LRRC8D: variants seen among roughly 807,000 people sequenced by gnomAD.
LRRC8D encodes leucine rich repeat containing 8 VRAC subunit D, also known as volume-regulated anion channel subunit LRRC8D.
LRRC8D carries 20 observed loss-of-function variants against 55.8 expected under a neutral mutation model. The observed-to-expected ratio is 0.36, with a 90% confidence interval of 0.25 to 0.52. The LOEUF (loss-of-function observed/expected upper bound fraction) is 0.52, where lower values mean the gene tolerates loss of function less well. LRRC8D is among the 20% of genes least tolerant of loss of function. The pLI, the probability that LRRC8D is intolerant of heterozygous loss-of-function variation, is 0.93. For synonymous variants in LRRC8D, 352 were observed against 377.0 expected (o/e 0.93, Z 0.77); for missense variants, 651 against 1,030.8 (o/e 0.63, Z 5.05).
At position 89,936,298 on chromosome 1, in the gene LRRC8D, A is replaced by T. The variant is rs1192127172; in HGVS notation, c.*653A>T. The T allele has an allele frequency of 1.8e-5, 3 of 167,056 alleles. No individual in the cohort carries two copies. Among genetic ancestry groups the T allele is most frequent in the Non-Finnish European group, 4.4e-5 (3 of 68,122 alleles). 10.3% of individuals were successfully genotyped at this position (167,056 alleles called of 1,614,324 possible). A position where few individuals can be genotyped will look rare whatever the true frequency, so the allele number is the denominator to read the frequency against. ...GTTTTTTTAAGAATAAGTAACAAGA[A>T]ATAACACATTTCTTAATAATAGCTT... On this transcript the variant is annotated 3_prime_UTR_variant, in exon 3 of 3. Transcript: ENST00000337338.
chr1:89,862,489 G>A (rs1661745648), intron 2 of LRRC8D, among the ~76,000 whole-genome samples: 1 of 152,206 alleles, frequency 6.6e-6, no homozygotes. Flanking sequence ...TCTAGGTTAG[G>A]AATAATTGAA....
intron 2 of LRRC8D, among the ~76,000 whole-genome samples, chr1:89,890,309 C>T (rs1039630729): frequency 2.0e-5 from 3 of 152,230 alleles, no homozygotes; most frequent in Admixed American, 2.0e-4. Flanking sequence ...TTGATTGATG[C>T]TCTTGATAAT....
chr1:89,909,034 G>A (rs1421894300), intron 2 of LRRC8D, among the ~76,000 whole-genome samples: 1 of 150,390 alleles, frequency 6.6e-6, no homozygotes, highest in Non-Finnish European at 1.5e-5. Flanking sequence ...GTGTGTGTGT[G>A]TGTCTGTGTG....
intron 2 of LRRC8D, among the ~76,000 whole-genome samples, chr1:89,897,417 G>A (rs964726620): frequency 2.0e-5 from 3 of 152,154 alleles, no homozygotes; most frequent in Admixed American, 6.5e-5. Context: ...CAAGAAAGGC[G>A]AGATTATGTT....
At chr1:89,835,862 A>G (rs1660994317) in intron 1 of LRRC8D, among the ~76,000 whole-genome samples, 1 of 152,228 alleles carries the variant, frequency 6.6e-6, no homozygotes, top group African/African-American at 2.4e-5. Flanking sequence ...CCTTGCCTGC[A>G]TTGCTCGCGT....
At chr1:89,932,543 C>G (rs987798873) in intron 2 of LRRC8D, among the ~76,000 whole-genome samples, 4 of 152,182 alleles carry the variant, frequency 2.6e-5, no homozygotes, top group African/African-American at 9.7e-5. Flanking sequence ...TTTCCAACAA[C>G]CCTTAGAAGT....
chr1:89,847,905 A>C (rs1268254754), intron 2 of LRRC8D, among the ~76,000 whole-genome samples: 1 of 152,202 alleles, frequency 6.6e-6, no homozygotes, highest in Non-Finnish European at 1.5e-5. Flanking sequence ...TGTATATATG[A>C]GGTAGGGATT....
chr1:89,829,754 G>T (rs1480285583), intron 1 of LRRC8D, among the ~76,000 whole-genome samples: 1 of 152,200 alleles, frequency 6.6e-6, no homozygotes, highest in African/African-American at 2.4e-5. Flanking sequence ...AGAAGTATGA[G>T]CCTGTTGGTA....
chr1:89,891,367 A>G (rs1186613919), intron 2 of LRRC8D, among the ~76,000 whole-genome samples: 2 of 152,142 alleles, frequency 1.3e-5, no homozygotes, highest in African/African-American at 4.8e-5. Context: ...CGTGATGCTG[A>G]TATGTTTTAT....
chr1:89,843,293 G>A, intron 1 of LRRC8D: 1 of 189,288 alleles, frequency 5.3e-6, no homozygotes, highest in Non-Finnish European at 1.1e-5. Context: ...ATCACACTGG[G>A]CACCGGCGGA....
rs184895738 is a variant in LRRC8D at position 89,875,620 on chromosome 1, C to T, written c.-3+31838C>T. Among the ~76,000 whole-genome samples, 584 of 152,286 alleles carry T rather than the reference C, an allele frequency of 3.8e-3. 4 individuals are homozygous for T. The highest frequency in any genetic ancestry group is 0.024 in the Middle Eastern group (7 of 292). Reference sequence around the variant, plus strand: ...CTTTCATATACAACAGTGTAACTTCCACCTCTTTTAAGGTCTTCTTTATTT... The same window carrying T: ...CTTTCATATACAACAGTGTAACTTCTACCTCTTTTAAGGTCTTCTTTATTT... On this transcript the variant is annotated intron_variant, in intron 2 of 2. Coordinates refer to ENST00000337338, the MANE Select transcript of LRRC8D (RefSeq NM_001134479.2).
Position 89,853,056 on chromosome 1 carries a change from A to G in LRRC8D, c.-3+9274A>G, listed in dbSNP as rs1661461573. Reference sequence around the variant, plus strand: ...GAAAGCAGGGAGCACTTTAGTGGCTACCATCATAATCCAGGCAGACATCAT... The same window carrying G: ...GAAAGCAGGGAGCACTTTAGTGGCTGCCATCATAATCCAGGCAGACATCAT... On this transcript the variant is annotated intron_variant, in intron 2 of 2. Transcript: ENST00000337338. 2.0e-5 allele frequency among the ~76,000 whole-genome samples: 3 copies of G among 152,234 alleles called. No homozygotes were observed. In the South Asian group the frequency reaches 6.2e-4, roughly 32 times the overall value.
At chr1:89,860,022 T>C (rs568445777) in intron 2 of LRRC8D, among the ~76,000 whole-genome samples, 1 of 152,388 alleles carries the variant, frequency 6.6e-6, no homozygotes, top group South Asian at 2.1e-4. Context: ...TACAGCAGTG[T>C]CAGAATATCT....
intron 2 of LRRC8D, among the ~76,000 whole-genome samples, chr1:89,881,196 T>C (rs1662274089): frequency 6.6e-6 from 1 of 152,236 alleles, no homozygotes; most frequent in South Asian, 2.1e-4. Context: ...TCTTTACATC[T>C]TTGGACATTT....
intron 2 of LRRC8D, among the ~76,000 whole-genome samples, chr1:89,904,894 G>A (rs1304675988): frequency 2.0e-5 from 3 of 151,966 alleles, no homozygotes; most frequent in African/African-American, 2.4e-5. Context: ...TGTTGACCGC[G>A]TTAAAGTCAT....
rs370931266 is a variant in LRRC8D at position 89,895,369 on chromosome 1, A to G, written c.-2-37698A>G. ...TTCTTCAAGCTATCATAAACAAGCA[A>G]ATGGCTCAGAAAAATTCCCAGCTAG... On this transcript the variant is annotated intron_variant, in intron 2 of 2. Transcript: ENST00000337338. Among the ~76,000 whole-genome samples the G allele has an allele frequency of 2.6e-5, 4 of 152,188 alleles. No individual in the cohort carries two copies. The East Asian group carries it at 5.8e-4, about 22-fold the overall frequency.
intron 2 of LRRC8D, among the ~76,000 whole-genome samples, chr1:89,844,859 A>C (rs924996707): frequency 6.6e-6 from 1 of 152,122 alleles, no homozygotes; most frequent in Non-Finnish European, 1.5e-5. Context: ...GCTGAGAATA[A>C]TCAGTTTGAT....
At chr1:89,903,720 A>G (rs535641212) in intron 2 of LRRC8D, among the ~76,000 whole-genome samples, 73 of 152,322 alleles carry the variant, frequency 4.8e-4, no homozygotes, top group African/African-American at 1.8e-3. Flanking sequence ...CTGCTTTACC[A>G]CACCTACTTT....
intron 2 of LRRC8D, among the ~76,000 whole-genome samples, chr1:89,921,704 C>T (rs1663424413): frequency 6.6e-6 from 1 of 152,088 alleles, no homozygotes; most frequent in East Asian, 1.9e-4. Flanking sequence ...GCCACCAAGC[C>T]CGGCTAATTT....
Sources: gnomAD v4.1 joint callset for allele counts (sites outside exome capture counted in the v4.1 genomes callset) on GRCh38, gnomAD v4.1.1 for gene constraint, MANE v1.5 for transcripts, NCBI Gene and HGNC (gene_info 2026-07-23, HGNC 2026-07-21) for gene names.